The following CSNK1D variants were observed in gnomAD, a reference collection of about 807,000 sequenced individuals.
CSNK1D encodes the protein casein kinase 1 delta, also known as casein kinase I isoform delta.
Under a neutral mutation model 46.6 loss-of-function variants are expected in CSNK1D, and 16 were observed. The ratio of observed to expected loss-of-function variants is 0.34; its 90% CI spans 0.23 to 0.52. The LOEUF (loss-of-function observed/expected upper bound fraction) is 0.52. Among genes scored for constraint, CSNK1D ranks in the 20% least tolerant of loss-of-function variants. The probability of loss-of-function intolerance (pLI) is 0.95; values close to 1 mark genes in which losing one functional copy is unlikely to be tolerated. For synonymous variants in CSNK1D, 276 were observed against 228.2 expected (o/e 1.21, Z -1.89); for missense variants, 398 against 578.4 (o/e 0.69, Z 3.20).
downstream of CSNK1D, among the ~76,000 whole-genome samples, chr17:82,240,674 G>A (rs1158941457): frequency 6.6e-6 from 1 of 152,212 alleles, no homozygotes; most frequent in Non-Finnish European, 1.5e-5. Context: ...ACACAGCAGA[G>A]GCTCAACACA....
chr17:82,262,075 G>A (rs778081602), intron 2 of CSNK1D, among the ~76,000 whole-genome samples: 5 of 152,208 alleles, frequency 3.3e-5, no homozygotes, highest in Non-Finnish European at 4.4e-5. Context: ...AGTCCAGTAG[G>A]TTTTCATAAA....
rs545442624 is a variant in CSNK1D, at chr17:82,243,553, G to A, written c.*1228C>T. 7.4e-5 allele frequency: 73 copies of A among 985,460 alleles called. No homozygotes were observed. The highest frequency in any genetic ancestry group is 3.5e-4 in the African/African-American group (20 of 57,356). 61.0% of individuals were successfully genotyped at this position (985,460 alleles called of 1,614,324 possible). ...TGCTTCACTTCTGACCAACAGACAC[G>A]CGCCCAACAGAAGGTCACAGCGCAG... On this transcript the variant is annotated 3_prime_UTR_variant, in exon 9 of 9. Coordinates refer to ENST00000314028, the MANE Select transcript of CSNK1D (RefSeq NM_001893.6).
chr17:82,249,406 A>G lies in CSNK1D; in HGVS notation c.1057+25T>C. Reference sequence around the variant, plus strand: ...AAGAAGTCACCCCAGAGCCAGCCCCAGAGCGCTGGGAGGGGGGCACTCACC... The same window carrying G: ...AAGAAGTCACCCCAGAGCCAGCCCCGGAGCGCTGGGAGGGGGGCACTCACC... On this transcript the variant is annotated intron_variant, in intron 7 of 8. Coordinates refer to ENST00000314028, the MANE Select transcript of CSNK1D (RefSeq NM_001893.6). This position sits in a 1 kb window ranked among gnomAD's most constrained non-coding sequence, Gnocchi z 6.7. 1 of 1,531,400 alleles carries G rather than the reference A, an allele frequency of 6.5e-7. No homozygotes were observed. The highest frequency in any genetic ancestry group is 8.8e-7 in the Non-Finnish European group (1 of 1,142,604). 94.9% of individuals were successfully genotyped at this position (1,531,400 alleles called of 1,614,324 possible).
intron 1 of CSNK1D, among the ~76,000 whole-genome samples, chr17:82,272,843 G>A (rs890809229): frequency 3.9e-5 from 6 of 152,130 alleles, no homozygotes; most frequent in African/African-American, 1.4e-4. Flanking sequence ...CTTAGGCGTA[G>A]AGGAAGCCGA....
chr17:82,246,100 C>G, intron 8 of CSNK1D: 1 of 1,566,120 alleles, frequency 6.4e-7, no homozygotes. Flanking sequence ...CTACCTGTGT[C>G]GGCTCCATGT....
rs1025384703 is a variant in CSNK1D at position 82,256,562 on chromosome 17, A to G, written c.188-985T>C. On this transcript the variant is annotated intron_variant, in intron 2 of 8. Transcript: ENST00000314028. Reference sequence around the variant, plus strand: ...GAAAAAATGGGTGAAAGACCTGGACACTTCACCCAAGACGTTACGTATGAA... The same window carrying G: ...GAAAAAATGGGTGAAAGACCTGGACGCTTCACCCAAGACGTTACGTATGAA... 3.3e-5 allele frequency among the ~76,000 whole-genome samples: 5 copies of G among 152,068 alleles called. 1 individual carries two copies.
intron 8 of CSNK1D, chr17:82,246,070 G>A: frequency 6.3e-7 from 1 of 1,593,888 alleles, no homozygotes; most frequent in South Asian, 1.1e-5. Context: ...CTGTTGGTAA[G>A]CGTCCCGCTG....
At chr17:82,270,751 A>G in intron 1 of CSNK1D, among the ~76,000 whole-genome samples, 1 of 146,624 alleles carries the variant, frequency 6.8e-6, no homozygotes, top group East Asian at 1.9e-4. Flanking sequence ...GCTGATGGGA[A>G]AAAAAAAAAT....
At chr17:82,263,136 C>T (rs903628997) in intron 2 of CSNK1D, among the ~76,000 whole-genome samples, 1 of 152,168 alleles carries the variant, frequency 6.6e-6, no homozygotes, top group African/African-American at 2.4e-5. Flanking sequence ...GCCAAGATTG[C>T]GCCATTGCAC....
At chr17:82,265,896 A>C in intron 1 of CSNK1D, 100 bp from the exon 2 acceptor site, 3 of 968,724 alleles carry the variant, frequency 3.1e-6, no homozygotes, top group Non-Finnish European at 5.0e-6. Context: ...TCCATGAAGG[A>C]CCAAGTGAGG....
Position 82,253,405 on chromosome 17 carries a change from T to A in CSNK1D, c.337-161A>T, listed in dbSNP as rs967887739. On this transcript the variant is annotated intron_variant, in intron 3 of 8. Coordinates refer to ENST00000314028, the MANE Select transcript of CSNK1D (RefSeq NM_001893.6). ...GGGGGATGCCGAACTGACCAAATTGTTCCCCCAGGTGCCTGCAGCAACCCT... is the reference window on the plus strand; with the variant it reads ...GGGGGATGCCGAACTGACCAAATTGATCCCCCAGGTGCCTGCAGCAACCCT... The A allele has an allele frequency of 1.0e-5, 7 of 681,792 alleles. No individual in the cohort carries two copies. In the African/African-American group the frequency reaches 1.2e-4, roughly 12 times the overall value. 42.2% of individuals were successfully genotyped at this position (681,792 alleles called of 1,614,324 possible).
At chr17:82,264,820 C>T (rs1355685521) in intron 2 of CSNK1D, among the ~76,000 whole-genome samples, 36 of 140,640 alleles carry the variant, frequency 2.6e-4, no homozygotes, top group African/African-American at 9.7e-4. Flanking sequence ...TTTTTTGAGA[C>T]GGAGTCTCGC....
chr17:82,249,997 A>G lies in CSNK1D; in HGVS notation c.886-395T>C. On this transcript the variant is annotated intron_variant, in intron 6 of 8. Transcript: ENST00000314028. The surrounding 1 kb of genome is among the most constrained non-coding windows in gnomAD (Gnocchi z 6.7). ...AGGCCCCAAATGGTGACAGCTGGGG[A>G]GGAAAGCGGGGTGGGGATGAGAGCG... 1 of 1,232,396 alleles carries G rather than the reference A, an allele frequency of 8.1e-7. No homozygotes were observed. 76.3% of individuals were successfully genotyped at this position (1,232,396 alleles called of 1,614,324 possible).
rs1343416847 is a variant in CSNK1D, at chr17:82,249,085, G to A, written c.1058-71C>T. 3.9e-6 allele frequency: 6 copies of A among 1,522,422 alleles called. No individual in the cohort carries two copies. The East Asian group carries it at 9.8e-5, about 25-fold the overall frequency. 94.3% of individuals were successfully genotyped at this position (1,522,422 alleles called of 1,614,324 possible). On this transcript the variant is annotated intron_variant, in intron 7 of 8. Transcript: ENST00000314028. The surrounding 1 kb of genome is among the most constrained non-coding windows in gnomAD (Gnocchi z 6.7). ...CTCTCACTCGGGGCTTTCTATGAGAGGCTGTGGCCAGAGAGGACCCTGGGC... is the reference window on the plus strand; with the variant it reads ...CTCTCACTCGGGGCTTTCTATGAGAAGCTGTGGCCAGAGAGGACCCTGGGC...
Position 82,248,596 on chromosome 17 carries a change from C to G in CSNK1D, c.1197+279G>C. The G allele has an allele frequency of 7.7e-6, 10 of 1,297,126 alleles. No homozygotes were observed. Among genetic ancestry groups the G allele is most frequent in the Non-Finnish European group, 9.9e-6 (10 of 1,014,524 alleles). The allele number at this position is 1,297,126 out of a possible 1,614,324, so 80.4% of individuals were successfully genotyped here. The stretch of plus-strand genomic sequence containing the variant: ...GGCTGCGGGCAGCGGGGCACTCAAA[C>G]AGCAGGAGAAAGCCCCCACGGTTTG... On this transcript the variant is annotated intron_variant, in intron 8 of 8. Transcript: ENST00000314028. This position sits in a 1 kb window ranked among gnomAD's most constrained non-coding sequence, Gnocchi z 4.1.
At position 82,265,712 on chromosome 17, in the gene CSNK1D, T is replaced by C; in HGVS notation, c.161A>G (p.Lys54Arg). ...TKHPQLHIES[K>R]IYKMMQGGVG... ...TCCTCCCTGCATCATCTTGTAGATT[T>C]TGCTCTCAATGTGGAGCTGAGGGTG... Residue 54 changes from lysine to arginine, a missense_variant, in exon 2 of 9, where the codon AAA (lysine) becomes AGA (arginine). By Grantham distance (26) the Lys-to-Arg change is conservative (BLOSUM62 2). Coordinates refer to ENST00000314028, the MANE Select transcript of CSNK1D (RefSeq NM_001893.6). 1.2e-6 allele frequency: 2 copies of C among 1,614,126 alleles called. No homozygotes were observed. The highest frequency in any genetic ancestry group is 1.1e-5 in the South Asian group (1 of 91,080).
At position 82,248,694 on chromosome 17, in the gene CSNK1D, G is replaced by C. The variant is rs1892784042; in HGVS notation, c.1197+181C>G. ...GACAAGCCCCATGACGGCCCAGCAT[G>C]TCTCCCAGGCCCTCCCGAGAAGCCT... On this transcript the variant is annotated intron_variant, in intron 8 of 8. Transcript: ENST00000314028. This position sits in a 1 kb window ranked among gnomAD's most constrained non-coding sequence, Gnocchi z 4.1. The C allele has an allele frequency of 7.0e-7, 1 of 1,432,848 alleles. No homozygotes were observed. Among genetic ancestry groups the C allele is most frequent in the Middle Eastern group, 1.9e-4 (1 of 5,324 alleles). 88.8% of individuals were successfully genotyped at this position (1,432,848 alleles called of 1,614,324 possible).
rs755262352 is a variant in CSNK1D at position 82,253,235 on chromosome 17, T to C, written c.346A>G (p.Ile116Val). 7.4e-6 allele frequency: 12 copies of C among 1,613,826 alleles called. No homozygotes were observed. Among genetic ancestry groups the C allele is most frequent in the Non-Finnish European group, 8.5e-6 (10 of 1,179,910 alleles). ...AAGTTCTTTGAATGAATGTATTCGATGCGACTGATCTGTGAGCAGAGCAAG... is the reference window on the plus strand; with the variant it reads ...AAGTTCTTTGAATGAATGTATTCGACGCGACTGATCTGTGAGCAGAGCAAG... ...LLLADQMISRIEYIHSKNFIH... is the reference protein window; with the variant it reads ...LLLADQMISRVEYIHSKNFIH... The change falls in exon 4 of 9, where the codon ATC becomes GTC. Residue 116 changes from isoleucine (I) to valine (V), a missense_variant. Ile to Val is a conservative substitution (Grantham distance 29). Around this residue, in one of 2 missense-constraint regions of CSNK1D, gnomAD observed 217 missense variants for 370.3 expected, o/e 0.59. Coordinates refer to ENST00000314028, the MANE Select transcript of CSNK1D (RefSeq NM_001893.6).
chr17:82,268,056 G>A (rs2051523759), intron 1 of CSNK1D, among the ~76,000 whole-genome samples: 1 of 152,248 alleles, frequency 6.6e-6, no homozygotes, highest in Non-Finnish European at 1.5e-5. Context: ...GCACACAGAT[G>A]TGCAAGCACA....
Sources: gnomAD v4.1 joint callset for allele counts (sites outside exome capture counted in the v4.1 genomes callset) on GRCh38, gnomAD v4.1.1 for gene constraint, gnomAD v4.1.1 regional missense constraint, Gnocchi (gnomAD v3.1) non-coding constraint, MANE v1.5 for transcripts, NCBI Gene and HGNC (gene_info 2026-07-23, HGNC 2026-07-21) for gene names.